The following LHFPL3 variants were observed in gnomAD, a reference collection of about 807,000 sequenced individuals.
LHFPL3 encodes LHFPL tetraspan subfamily member 3, also known as LHFPL tetraspan subfamily member 3 protein.
Under a neutral mutation model 19.3 loss-of-function variants are expected in LHFPL3, and 5 were observed. The observed-to-expected ratio is 0.26, with a 90% CI of 0.14 to 0.54. LHFPL3 has a LOEUF of 0.54. LHFPL3 is among the 20% of genes least tolerant of loss of function. LHFPL3 has a pLI of 0.94. For missense variants in LHFPL3, 249 were observed against 307.4 expected, an observed-to-expected ratio of 0.81 and a Z score of 1.42; for synonymous variants, 133 against 126.2, an observed-to-expected ratio of 1.05 and a Z score of -0.36.
Position 104,509,374 on chromosome 7 carries a change from T to C in LHFPL3, c.445+180150T>C, listed in dbSNP as rs188185523. On this transcript the variant is annotated intron_variant, in intron 1 of 2. Transcript: ENST00000424859. ...GACAAACAGAATTGAACGATATGTATAAAGAATTACACACCTAGTGGGACT... is the reference window on the plus strand; with the variant it reads ...GACAAACAGAATTGAACGATATGTACAAAGAATTACACACCTAGTGGGACT... Among the ~76,000 whole-genome samples, 427 of 152,104 alleles carry C rather than the reference T, an allele frequency of 2.8e-3. 2 individuals carry two copies. Among genetic ancestry groups the C allele is most frequent in the African/African-American group, 9.3e-3 (387 of 41,504 alleles).
intron 1 of LHFPL3, among the ~76,000 whole-genome samples, chr7:104,503,293 C>T (rs1399399328): frequency 1.3e-5 from 2 of 152,042 alleles, no homozygotes; most frequent in African/African-American, 2.4e-5. Flanking sequence ...GAAGCAAACA[C>T]ACGCACACAT....
intron 1 of LHFPL3, among the ~76,000 whole-genome samples, chr7:104,585,829 AC>A (rs966556072): frequency 1.9e-4 from 29 of 151,902 alleles, no homozygotes; most frequent in African/African-American, 7.0e-4. Context: ...GGAAACAACA[AC>A]CTTTTTAAAA....
intron 1 of LHFPL3, among the ~76,000 whole-genome samples, chr7:104,432,898 C>G (rs1017357441): frequency 6.6e-6 from 1 of 152,116 alleles, no homozygotes; most frequent in South Asian, 2.1e-4. Context: ...CCACCCCTTG[C>G]CTGAGATGTG....
intron 1 of LHFPL3, among the ~76,000 whole-genome samples, chr7:104,708,794 T>G (rs977539139): frequency 1.3e-5 from 2 of 152,216 alleles, no homozygotes; most frequent in African/African-American, 4.8e-5. Context: ...TTACACTTGA[T>G]AGCCTCTGTC....
At position 104,865,071 on chromosome 7, in the gene LHFPL3, C is replaced by A. The variant is rs193283585; in HGVS notation, c.683-41116C>A. On this transcript the variant is annotated intron_variant, in intron 2 of 2. Coordinates refer to ENST00000424859, the MANE Select transcript of LHFPL3 (RefSeq NM_199000.3). ...AAGGACATCCACACAAAAACCCCATCTGTACATCACCATCATCAAAGACCA... is the reference window on the plus strand; with the variant it reads ...AAGGACATCCACACAAAAACCCCATATGTACATCACCATCATCAAAGACCA... Among the ~76,000 whole-genome samples the A allele has an allele frequency of 2.5e-4, 38 of 152,260 alleles. No individual in the cohort carries two copies. The East Asian group carries it at 6.0e-3, about 24-fold the overall frequency.
At chr7:104,629,185 T>C (rs1021853917) in intron 1 of LHFPL3, among the ~76,000 whole-genome samples, 4 of 152,182 alleles carry the variant, frequency 2.6e-5, no homozygotes, top group African/African-American at 7.2e-5. Flanking sequence ...CTCCCACATT[T>C]CTTCTGATGT....
chr7:104,707,583 G>A (rs1410002058), intron 1 of LHFPL3, among the ~76,000 whole-genome samples: 1 of 152,190 alleles, frequency 6.6e-6, no homozygotes, highest in Non-Finnish European at 1.5e-5. Flanking sequence ...ACCACAAGGA[G>A]GATGTTTATT....
intron 1 of LHFPL3, among the ~76,000 whole-genome samples, chr7:104,674,178 C>A (rs1792542260): frequency 6.6e-6 from 1 of 150,744 alleles, no homozygotes; most frequent in Admixed American, 6.6e-5. Flanking sequence ...GTGCTCTAGA[C>A]ACTGATTTCT....
chr7:104,373,022 C>A (rs1194792176), intron 1 of LHFPL3, among the ~76,000 whole-genome samples: 1 of 123,226 alleles, frequency 8.1e-6, no homozygotes, highest in East Asian at 2.6e-4. Flanking sequence ...GTTCCCTGGG[C>A]AAATAAGTTT....
intron 1 of LHFPL3, among the ~76,000 whole-genome samples, chr7:104,616,708 G>A (rs923742174): frequency 6.6e-6 from 1 of 152,092 alleles, no homozygotes; most frequent in Admixed American, 6.6e-5. Context: ...GCAACCTACA[G>A]AATGGGAGAA....
At chr7:104,519,325 C>G (rs1793997589) in intron 1 of LHFPL3, among the ~76,000 whole-genome samples, 1 of 152,096 alleles carries the variant, frequency 6.6e-6, no homozygotes, top group South Asian at 2.1e-4. Flanking sequence ...GAAGGTGATA[C>G]AGGACTGTGA....
At chr7:104,873,833 G>A (rs751202790) in intron 2 of LHFPL3, among the ~76,000 whole-genome samples, 2 of 152,174 alleles carry the variant, frequency 1.3e-5, no homozygotes, top group Non-Finnish European at 2.9e-5. Context: ...GCGAGGCAAG[G>A]CTCCTGACAA....
intron 1 of LHFPL3, among the ~76,000 whole-genome samples, chr7:104,474,452 C>T (rs1166619126): frequency 4.0e-5 from 6 of 151,840 alleles, no homozygotes; most frequent in Non-Finnish European, 8.8e-5. Context: ...ATCACGAGGT[C>T]AGGAGATCAA....
At chr7:104,790,832 T>C (rs1008643378) in intron 2 of LHFPL3, among the ~76,000 whole-genome samples, 1 of 152,198 alleles carries the variant, frequency 6.6e-6, no homozygotes, top group Non-Finnish European at 1.5e-5. Context: ...GAATACCTTA[T>C]ATACCTGCTT....
intron 1 of LHFPL3, among the ~76,000 whole-genome samples, chr7:104,507,475 T>G (rs1793721486): frequency 8.0e-6 from 1 of 124,456 alleles, no homozygotes; most frequent in Non-Finnish European, 1.7e-5. Context: ...GATTAAAGAC[T>G]TAAACGTTAG....
At position 104,700,095 on chromosome 7, in the gene LHFPL3, A is replaced by T. The variant is rs114639598; in HGVS notation, c.446-36580A>T. ...CCACCCCTGGGAAGCCCACCATCCA[A>T]CAACTCTAGGCATCTTTCACATCCT... On this transcript the variant is annotated intron_variant, in intron 1 of 2. Coordinates refer to ENST00000424859, the MANE Select transcript of LHFPL3 (RefSeq NM_199000.3). Among the ~76,000 whole-genome samples the T allele has an allele frequency of 4.7e-3, 713 of 152,332 alleles. 6 individuals carry two copies. Among genetic ancestry groups the T allele is most frequent in the African/African-American group, 0.016 (664 of 41,578 alleles).
At chr7:104,482,489 G>A (rs1346510751) in intron 1 of LHFPL3, among the ~76,000 whole-genome samples, 1 of 152,210 alleles carries the variant, frequency 6.6e-6, no homozygotes, top group East Asian at 1.9e-4. Flanking sequence ...CACCAGTGGT[G>A]TAGTTAGCAA....
intron 2 of LHFPL3, among the ~76,000 whole-genome samples, chr7:104,860,502 T>G (rs900416834): frequency 6.6e-6 from 1 of 152,144 alleles, no homozygotes; most frequent in South Asian, 2.1e-4. Flanking sequence ...TTTCCCAGGA[T>G]AGTCCTCCAA....
intron 1 of LHFPL3, among the ~76,000 whole-genome samples, chr7:104,652,624 T>G (rs1194858046): frequency 5.3e-5 from 8 of 151,922 alleles, no homozygotes; most frequent in Non-Finnish European, 7.4e-5. Context: ...TAGGAGTCAG[T>G]GGGGATTTTG....
Sources: allele counts gnomAD v4.1 joint callset (sites outside exome capture counted in the v4.1 genomes callset), GRCh38; gene constraint gnomAD v4.1.1; transcripts MANE v1.5; gene names NCBI Gene and HGNC (gene_info 2026-07-23, HGNC 2026-07-21).